The following MDGA2 variants were observed in gnomAD, a reference collection of about 807,000 sequenced individuals.
MDGA2 encodes MAM domain-containing glycosylphosphatidylinositol anchor protein 2.
MDGA2 carries 40 observed loss-of-function variants against 117.8 expected under a neutral mutation model. That is an observed-to-expected ratio of 0.34 (90% confidence interval 0.26 to 0.44). The LOEUF is 0.44. Among genes scored for constraint, MDGA2 ranks in the 20% least tolerant of loss-of-function variants. The probability of loss-of-function intolerance (pLI) is 1.00; values close to 1 mark genes in which losing one functional copy is unlikely to be tolerated. For missense variants in MDGA2, 1,123 were observed against 1,250.6 expected, an observed-to-expected ratio of 0.90 and a Z score of 1.54; for synonymous variants, 452 against 439.0, an observed-to-expected ratio of 1.03 and a Z score of -0.37.
chr14:47,554,739 C>T (rs191489194), intron 1 of MDGA2, among the ~76,000 whole-genome samples: 10 of 152,158 alleles, frequency 6.6e-5, no homozygotes, highest in Non-Finnish European at 1.3e-4. Flanking sequence ...ACTTTGGTTA[C>T]ATTCAAATAC....
At chr14:47,375,874 C>G (rs543659760) in intron 1 of MDGA2, among the ~76,000 whole-genome samples, 16 of 152,054 alleles carry the variant, frequency 1.1e-4, no homozygotes, top group African/African-American at 3.1e-4. Context: ...CCACAGCTGC[C>G]CCTCCCAAAA....
intron 1 of MDGA2, among the ~76,000 whole-genome samples, chr14:47,650,065 G>A (rs1481251716): frequency 1.3e-5 from 2 of 152,088 alleles, no homozygotes; most frequent in East Asian, 1.9e-4. Context: ...TCTAATGTGG[G>A]TGGGCCTCAT....
chr14:47,403,446 G>A (rs976189960), intron 1 of MDGA2, among the ~76,000 whole-genome samples: 4 of 126,096 alleles, frequency 3.2e-5, no homozygotes, highest in Non-Finnish European at 5.2e-5. Context: ...TCAATATTGC[G>A]GTCTTCTTGT....
At position 46,957,589 on chromosome 14, in the gene MDGA2, C is replaced by T. The variant is rs1396077593; in HGVS notation, c.1874G>A (p.Ser625Asn). 1 of 1,614,158 alleles carries T rather than the reference C, an allele frequency of 6.2e-7. No homozygotes were observed. The highest frequency in any genetic ancestry group is 8.5e-7 in the Non-Finnish European group (1 of 1,180,010). Residue 625 changes from serine to asparagine, a missense_variant, in exon 9 of 17, where the codon AGT (serine) becomes AAT (asparagine). Physicochemically the swap from Ser to Asn is conservative, Grantham distance 46 (BLOSUM62 1). This residue lies in a region of MDGA2 where 890 missense variants were observed against 1,050.3 expected (regional missense o/e 0.85). Transcript: ENST00000399232. ...CAGTACTCTGCAACTCATAGTGACA[C>T]TTCGATCCTGTCCTTGCCGGATTTC... ...FLEIRQGQDR[S>N]VTMSCRVLRA...
At chr14:47,372,994 T>C (rs1487324202) in intron 1 of MDGA2, among the ~76,000 whole-genome samples, 1 of 152,040 alleles carries the variant, frequency 6.6e-6, no homozygotes, top group Non-Finnish European at 1.5e-5. Flanking sequence ...CAAATACCAG[T>C]ATTATCCCAT....
chr14:46,969,939 T>C lies in MDGA2; in HGVS notation c.1820-12296A>G, dbSNP rs1434727541. Among the ~76,000 whole-genome samples, 94 of 19,732 alleles carry C rather than the reference T, an allele frequency of 4.8e-3. 1 individual carries two copies. The highest frequency in any genetic ancestry group is 0.012 in the South Asian group (11 of 928). The allele number at this position is 19,732 out of a possible 152,430, so 12.9% of individuals were successfully genotyped here. A position where few individuals can be genotyped will look rare whatever the true frequency, so the allele number is the denominator to read the frequency against. On this transcript the variant is annotated intron_variant, in intron 8 of 16. Coordinates refer to ENST00000399232, the MANE Select transcript of MDGA2 (RefSeq NM_001113498.3). ...CTTAGAACTTAAAGTATTCCATATA[T>C]ATATATATATATATATATATATATA...
intron 1 of MDGA2, among the ~76,000 whole-genome samples, chr14:47,469,791 T>C (rs1264116560): frequency 1.3e-5 from 2 of 152,168 alleles, no homozygotes; most frequent in African/African-American, 4.8e-5. Context: ...GTGTTCCTAT[T>C]TCTCCACATC....
chr14:47,057,545 A>G lies in MDGA2; in HGVS notation c.1525+3704T>C, dbSNP rs377296980. 7.9e-5 allele frequency among the ~76,000 whole-genome samples: 12 copies of G among 152,210 alleles called. 1 individual carries two copies. The East Asian group carries it at 1.7e-3, about 22-fold the overall frequency. ...AGTAAGACAACCTATAATCACATAT[A>G]TCATAGTTTTTATCAATCAAATTCA... On this transcript the variant is annotated intron_variant, in intron 7 of 16. Transcript: ENST00000399232.
At chr14:47,151,131 C>A (rs1883147583) in intron 3 of MDGA2, among the ~76,000 whole-genome samples, 1 of 152,100 alleles carries the variant, frequency 6.6e-6, no homozygotes, top group Non-Finnish European at 1.5e-5. Context: ...AGAGTGCCCT[C>A]AGAATCAACT....
intron 1 of MDGA2, among the ~76,000 whole-genome samples, chr14:47,650,710 G>T (rs911277741): frequency 3.3e-5 from 5 of 151,746 alleles, no homozygotes; most frequent in African/African-American, 1.2e-4. Flanking sequence ...ATAAATGAAT[G>T]AATTAACACA....
intron 1 of MDGA2, among the ~76,000 whole-genome samples, chr14:47,418,514 G>A (rs1313257559): frequency 1.3e-5 from 2 of 152,152 alleles, no homozygotes; most frequent in Non-Finnish European, 2.9e-5. Flanking sequence ...CTTAGTGGAA[G>A]TAGCAAACAA....
intron 1 of MDGA2, among the ~76,000 whole-genome samples, chr14:47,615,080 A>T (rs893205086): frequency 6.6e-6 from 1 of 152,002 alleles, no homozygotes; most frequent in Non-Finnish European, 1.5e-5. Flanking sequence ...ATCCTATAGC[A>T]AATTTGATTC....
chr14:46,974,509 G>A (rs1249338566), intron 8 of MDGA2, among the ~76,000 whole-genome samples: 2 of 152,106 alleles, frequency 1.3e-5, no homozygotes, highest in South Asian at 2.1e-4. Context: ...AAACAGCGTG[G>A]TACTGGCATA....
chr14:47,359,670 G>A (rs1891071473), intron 1 of MDGA2, among the ~76,000 whole-genome samples: 1 of 140,522 alleles, frequency 7.1e-6, no homozygotes, highest in African/African-American at 2.7e-5. Flanking sequence ...AGAATCACTT[G>A]AACCTGAGAG....
intron 1 of MDGA2, among the ~76,000 whole-genome samples, chr14:47,369,881 T>C (rs1466071313): frequency 6.6e-6 from 1 of 151,976 alleles, no homozygotes; most frequent in East Asian, 1.9e-4. Context: ...TTTTAATAGG[T>C]TTATAATATT....
At chr14:47,464,100 TACACACAC>T (rs71449610) in intron 1 of MDGA2, among the ~76,000 whole-genome samples, 4,866 of 141,422 alleles carry the variant, frequency 0.034, 225 homozygotes, top group African/African-American at 0.11. Flanking sequence ...ACTTACTATG[TACACACAC>T]ACACACACAC....
chr14:47,560,843 T>C (rs867644053), intron 1 of MDGA2, among the ~76,000 whole-genome samples: 2 of 152,320 alleles, frequency 1.3e-5, no homozygotes, highest in African/African-American at 4.8e-5. Context: ...ATTTAAGTTG[T>C]TAGTACATCT....
At chr14:47,053,910 C>T (rs1889567571) in intron 7 of MDGA2, among the ~76,000 whole-genome samples, 2 of 151,778 alleles carry the variant, frequency 1.3e-5, no homozygotes, top group African/African-American at 4.8e-5. Flanking sequence ...TCCAGCTGAT[C>T]CCATAATTCT....
intron 8 of MDGA2, among the ~76,000 whole-genome samples, chr14:47,033,074 G>C (rs1888719529): frequency 6.6e-6 from 1 of 152,112 alleles, no homozygotes; most frequent in Non-Finnish European, 1.5e-5. Flanking sequence ...ACTCAATTAT[G>C]TTCATCCCTG....
Sources: allele counts gnomAD v4.1 joint callset (sites outside exome capture counted in the v4.1 genomes callset), GRCh38; gene constraint gnomAD v4.1.1; regional missense constraint gnomAD v4.1.1; transcripts MANE v1.5; gene names NCBI Gene and HGNC (gene_info 2026-07-23, HGNC 2026-07-21).